PTPRD: variants seen among roughly 807,000 people sequenced by gnomAD.
PTPRD encodes protein tyrosine phosphatase receptor type D.
PTPRD carries 34 observed loss-of-function variants against 214.5 expected under a neutral mutation model. The ratio of observed to expected loss-of-function variants is 0.16; its 90% CI spans 0.12 to 0.21. The LOEUF (loss-of-function observed/expected upper bound fraction) is 0.21. Among genes scored for constraint, PTPRD ranks in the 10% least tolerant of loss-of-function variants. PTPRD has a pLI of 1.00. For synonymous variants in PTPRD, 1,128 were observed against 845.7 expected, an observed-to-expected ratio of 1.33 and a Z score of -5.79; for missense variants, 2,545 against 2,398.7, an observed-to-expected ratio of 1.06 and a Z score of -1.27.
intron 36 of PTPRD, among the ~76,000 whole-genome samples, chr9:8,399,359 A>G (rs983674422): frequency 2.6e-5 from 4 of 152,156 alleles, no homozygotes; most frequent in African/African-American, 9.7e-5. Context: ...CAAATAAAGT[A>G]TGTAAGTGCT....
chr9:9,746,617 T>C (rs2098460641), intron 6 of PTPRD, among the ~76,000 whole-genome samples: 1 of 152,200 alleles, frequency 6.6e-6, no homozygotes, highest in Non-Finnish European at 1.5e-5. Flanking sequence ...GATATGAGTG[T>C]TGCTTAGCCA....
chr9:8,343,893 T>C (rs960112084), intron 39 of PTPRD, among the ~76,000 whole-genome samples: 6 of 152,062 alleles, frequency 3.9e-5, no homozygotes, highest in African/African-American at 1.4e-4. Context: ...AGCAGGACTC[T>C]TCAGACCATG....
chr9:10,204,111 C>T (rs1411886783), intron 3 of PTPRD, among the ~76,000 whole-genome samples: 1 of 152,124 alleles, frequency 6.6e-6, no homozygotes, highest in Non-Finnish European at 1.5e-5. Flanking sequence ...AGGTGCTCTC[C>T]TGGTAACCTC....
chr9:10,285,635 G>C (rs749794304), intron 3 of PTPRD, among the ~76,000 whole-genome samples: 2 of 106,304 alleles, frequency 1.9e-5, no homozygotes, highest in Admixed American at 1.4e-4. Context: ...TTTTGAAACA[G>C]AGTCTCGCTC....
intron 5 of PTPRD, among the ~76,000 whole-genome samples, chr9:9,921,580 AAT>A (rs1287372507): frequency 2.0e-5 from 3 of 151,790 alleles, no homozygotes; most frequent in Non-Finnish European, 4.4e-5. Flanking sequence ...CAAATTACAT[AAT>A]AGTTTTACTG....
intron 2 of PTPRD, among the ~76,000 whole-genome samples, chr9:10,453,433 A>T (rs961104942): frequency 7.3e-5 from 11 of 151,688 alleles, no homozygotes; most frequent in African/African-American, 2.7e-4. Context: ...AATTGTTCCA[A>T]TTCACAACCA....
intron 11 of PTPRD, among the ~76,000 whole-genome samples, chr9:8,859,507 G>A (rs866996289): frequency 3.3e-5 from 5 of 152,316 alleles, no homozygotes; most frequent in Middle Eastern, 6.8e-3. Context: ...GAGCTCACCA[G>A]CCACCTCCAT....
chr9:9,012,236 A>C (rs1175657899), intron 11 of PTPRD, among the ~76,000 whole-genome samples: 1 of 152,172 alleles, frequency 6.6e-6, no homozygotes, highest in Non-Finnish European at 1.5e-5. Context: ...ATCCATCACC[A>C]GTTAAGCCTC....
At chr9:9,288,008 G>C (rs562774414) in intron 9 of PTPRD, among the ~76,000 whole-genome samples, 1 of 151,694 alleles carries the variant, frequency 6.6e-6, no homozygotes, top group South Asian at 2.1e-4. Flanking sequence ...CTGCCTAGTA[G>C]AGACTTATCA....
At chr9:10,603,082 G>A (rs1283435758) in intron 2 of PTPRD, among the ~76,000 whole-genome samples, 2 of 151,734 alleles carry the variant, frequency 1.3e-5, no homozygotes, top group African/African-American at 2.4e-5. Context: ...AAAATCTGAC[G>A]CCAAGAGGCT....
chr9:9,886,768 G>A (rs1052815458), intron 5 of PTPRD, among the ~76,000 whole-genome samples: 2 of 152,152 alleles, frequency 1.3e-5, no homozygotes, highest in African/African-American at 2.4e-5. Flanking sequence ...ACACTTGCCA[G>A]TACACTAAGT....
At chr9:9,222,681 G>C (rs979335712) in intron 9 of PTPRD, among the ~76,000 whole-genome samples, 2 of 151,886 alleles carry the variant, frequency 1.3e-5, no homozygotes, top group African/African-American at 4.8e-5. Context: ...AGAAACAACA[G>C]ATACACCCTA....
chr9:9,409,703 C>T (rs539438117), intron 8 of PTPRD, among the ~76,000 whole-genome samples: 13 of 151,920 alleles, frequency 8.6e-5, no homozygotes, highest in Non-Finnish European at 1.5e-4. Flanking sequence ...CCCAAGAAAT[C>T]GTAGAAAAGC....
intron 2 of PTPRD, among the ~76,000 whole-genome samples, chr9:10,362,068 A>G (rs762488367): frequency 6.6e-6 from 1 of 152,222 alleles, no homozygotes; most frequent in Non-Finnish European, 1.5e-5. Flanking sequence ...ACATCTAGTC[A>G]GCAACTGCCA....
chr9:9,317,651 T>C (rs1046365760), intron 9 of PTPRD, among the ~76,000 whole-genome samples: 1 of 152,042 alleles, frequency 6.6e-6, no homozygotes, highest in Non-Finnish European at 1.5e-5. Context: ...TGTTATATTT[T>C]GAAAAAAATT....
At chr9:9,730,670 C>T (rs1321690592) in intron 7 of PTPRD, among the ~76,000 whole-genome samples, 6 of 152,062 alleles carry the variant, frequency 3.9e-5, no homozygotes, top group Non-Finnish European at 7.4e-5. Flanking sequence ...ATAATAGTAT[C>T]TCAGTATATA....
chr9:10,222,744 T>C (rs1489844978), intron 3 of PTPRD, among the ~76,000 whole-genome samples: 3 of 152,004 alleles, frequency 2.0e-5, no homozygotes, highest in Non-Finnish European at 2.9e-5. Flanking sequence ...CAATTCCTAA[T>C]GGGTATTGTT....
intron 9 of PTPRD, among the ~76,000 whole-genome samples, chr9:9,189,389 C>T (rs1335403457): frequency 2.6e-5 from 4 of 151,892 alleles, no homozygotes; most frequent in African/African-American, 4.8e-5. Flanking sequence ...CCTTTTAATC[C>T]GGAAGACTCT....
chr9:9,833,775 AT>A (rs1457584260), intron 5 of PTPRD, among the ~76,000 whole-genome samples: 1 of 151,300 alleles, frequency 6.6e-6, no homozygotes, highest in Non-Finnish European at 1.5e-5. Flanking sequence ...TATTTCTCCC[AT>A]TTGCTTTTGA....
Sources: gnomAD v4.1 joint callset for allele counts (sites outside exome capture counted in the v4.1 genomes callset) on GRCh38, gnomAD v4.1.1 for gene constraint, MANE v1.5 for transcripts, NCBI Gene and HGNC (gene_info 2026-07-23, HGNC 2026-07-21) for gene names.